Variants in CDH8 observed in about 807,000 individuals in gnomAD.
CDH8 encodes cadherin-8.
In CDH8, 17 loss-of-function variants were observed where a neutral mutation model predicts 68.1. The observed-to-expected ratio is 0.25, with a 90% CI of 0.17 to 0.37. The LOEUF (loss-of-function observed/expected upper bound fraction) is 0.37. CDH8 is among the 10% of genes least tolerant of loss of function. CDH8 has a pLI of 1.00. For missense variants in CDH8, 763 were observed against 999.3 expected (o/e 0.76, Z 3.19); for synonymous variants, 372 against 365.1 (o/e 1.02, Z -0.21).
chr16:62,002,318 CTA>C (rs1195629329), intron 2 of CDH8, among the ~76,000 whole-genome samples: 2 of 152,064 alleles, frequency 1.3e-5, no homozygotes, highest in African/African-American at 4.8e-5. Context: ...TTATAAGAGA[CTA>C]TATATCAGAA....
chr16:61,845,170 T>G (rs910690719), intron 4 of CDH8, among the ~76,000 whole-genome samples: 2 of 152,132 alleles, frequency 1.3e-5, no homozygotes, highest in African/African-American at 4.8e-5. Flanking sequence ...ATAATTTGTG[T>G]CTAGGGTTGC....
intron 6 of CDH8, 63 bp downstream of exon 6, chr16:61,820,863 C>A: frequency 6.9e-7 from 1 of 1,442,194 alleles, no homozygotes; most frequent in South Asian, 1.3e-5. Flanking sequence ...ACAAGTCCCT[C>A]AACTTTAAAA....
chr16:61,921,837 C>T (rs1964373257), intron 2 of CDH8, among the ~76,000 whole-genome samples: 1 of 152,142 alleles, frequency 6.6e-6, no homozygotes, highest in Non-Finnish European at 1.5e-5. Flanking sequence ...CAAGACCAGC[C>T]TTGCCAACAT....
intron 4 of CDH8, 142 bp from the exon 5 acceptor site, chr16:61,825,321 T>C (rs960282321): frequency 1.6e-6 from 1 of 623,640 alleles, no homozygotes; most frequent in African/African-American, 1.9e-5. Flanking sequence ...TGACATTTGA[T>C]TGGTGTGTGC....
intron 8 of CDH8, among the ~76,000 whole-genome samples, chr16:61,728,341 T>G (rs1227566415): frequency 1.3e-5 from 2 of 150,878 alleles, no homozygotes; most frequent in Non-Finnish European, 3.0e-5. Flanking sequence ...TGGTTTGCCC[T>G]GCTGGCTCTG....
chr16:61,765,387 T>C (rs1960563019), intron 8 of CDH8, among the ~76,000 whole-genome samples: 3 of 152,004 alleles, frequency 2.0e-5, no homozygotes, highest in Admixed American at 2.0e-4. Context: ...ATTTCAAAGA[T>C]TTAATAAATA....
intron 4 of CDH8, among the ~76,000 whole-genome samples, chr16:61,842,407 C>T (rs1387436639): frequency 6.6e-6 from 1 of 152,136 alleles, no homozygotes; most frequent in Non-Finnish European, 1.5e-5. Context: ...GTCTCTCCCT[C>T]TTGCCCTCTC....
intron 10 of CDH8, among the ~76,000 whole-genome samples, chr16:61,674,296 T>C (rs984589188): frequency 6.6e-6 from 1 of 151,830 alleles, no homozygotes; most frequent in African/African-American, 2.4e-5. Flanking sequence ...CTACTAAAAA[T>C]ACAAAAAATT....
intron 8 of CDH8, among the ~76,000 whole-genome samples, chr16:61,782,256 G>A (rs966549689): frequency 6.6e-6 from 1 of 152,236 alleles, no homozygotes; most frequent in Non-Finnish European, 1.5e-5. Context: ...CCGAAGCAGG[G>A]CGAGGCATTG....
intron 2 of CDH8, chr16:61,938,067 G>C (rs1964654579): frequency 6.6e-6 from 1 of 152,074 alleles, no homozygotes; most frequent in Non-Finnish European, 1.5e-5. Context: ...CTGATGCCCA[G>C]AAAACTAAAA....
intron 10 of CDH8, among the ~76,000 whole-genome samples, chr16:61,662,190 C>T (rs11862459): frequency 0.13 from 18,696 of 148,796 alleles, 1,239 homozygotes; most frequent in African/African-American, 0.15. Flanking sequence ...TGGCTGTTCA[C>T]TACCTCTAAA....
chr16:61,718,649 T>G (rs12598107), intron 9 of CDH8, among the ~76,000 whole-genome samples: 4,825 of 151,390 alleles, frequency 0.032, 353 homozygotes, highest in East Asian at 0.24. Flanking sequence ...TTAACATCTA[T>G]CTCTTGGAGT....
chr16:62,016,894 T>A (rs923909925), intron 2 of CDH8, among the ~76,000 whole-genome samples: 1 of 152,174 alleles, frequency 6.6e-6, no homozygotes, highest in African/African-American at 2.4e-5. Context: ...TCTGCAGCTT[T>A]TTGAAAGAGA....
chr16:62,035,356 C>T (rs944092591), intron 1 of CDH8, among the ~76,000 whole-genome samples: 1 of 152,266 alleles, frequency 6.6e-6, no homozygotes, highest in East Asian at 1.9e-4. Flanking sequence ...CCTCCGTGCA[C>T]GCAATCTCGA....
chr16:62,004,112 A>G (rs1367083920), intron 2 of CDH8, among the ~76,000 whole-genome samples: 1 of 152,228 alleles, frequency 6.6e-6, no homozygotes, highest in Non-Finnish European at 1.5e-5. Context: ...GCAATTTTTA[A>G]AAAGCTTTAA....
At chr16:61,870,429 T>C (rs1413382062) in intron 3 of CDH8, among the ~76,000 whole-genome samples, 1 of 152,316 alleles carries the variant, frequency 6.6e-6, no homozygotes, top group East Asian at 1.9e-4. Context: ...GCTGTTCTTG[T>C]ATTTAGATTC....
chr16:61,839,040 A>G (rs1445461168), intron 4 of CDH8, among the ~76,000 whole-genome samples: 1 of 152,116 alleles, frequency 6.6e-6, no homozygotes, highest in East Asian at 1.9e-4. Flanking sequence ...ATGACGTTGG[A>G]ATCTAGAATT....
intron 2 of CDH8, among the ~76,000 whole-genome samples, chr16:61,999,165 C>T (rs1187803195): frequency 6.6e-6 from 1 of 152,112 alleles, no homozygotes; most frequent in Non-Finnish European, 1.5e-5. Context: ...ATATGAAAGA[C>T]ACTGCTAGGT....
chr16:61,960,013 T>TATATATATATAC (rs1428445364), intron 2 of CDH8, among the ~76,000 whole-genome samples: 4 of 80,552 alleles, frequency 5.0e-5, no homozygotes, highest in Admixed American at 2.3e-4. Flanking sequence ...TATATATATA[T>TATATATATATAC]ATACACACAT....
Sources: allele counts gnomAD v4.1 joint callset (sites outside exome capture counted in the v4.1 genomes callset), GRCh38; gene constraint gnomAD v4.1.1; transcripts MANE v1.5; gene names NCBI Gene and HGNC (gene_info 2026-07-23, HGNC 2026-07-21).